SCAPER: variants seen among roughly 807,000 people sequenced by gnomAD.
SCAPER encodes the protein S-phase cyclin A associated protein in the ER.
A neutral mutation model predicts 182.2 loss-of-function variants in SCAPER; 98 were observed. The ratio of observed to expected loss-of-function variants is 0.54; its 90% CI spans 0.46 to 0.64. The LOEUF is 0.64. Among genes scored for constraint, SCAPER ranks in the 30% least tolerant of loss-of-function variants. The pLI is 0.00. For synonymous variants in SCAPER, 605 were observed against 564.6 expected, an observed-to-expected ratio of 1.07 and a Z score of -1.01; for missense variants, 1,432 against 1,690.0, an observed-to-expected ratio of 0.85 and a Z score of 2.68.
chr15:76,452,297 A>T (rs915894236), intron 25 of SCAPER, among the ~76,000 whole-genome samples: 1 of 152,208 alleles, frequency 6.6e-6, no homozygotes, highest in African/African-American at 2.4e-5. Context: ...TTTCAGTTGT[A>T]GTAGTCTTTT....
At chr15:76,646,819 T>C (rs1036405698) in intron 21 of SCAPER, among the ~76,000 whole-genome samples, 2 of 152,246 alleles carry the variant, frequency 1.3e-5, no homozygotes, top group Non-Finnish European at 2.9e-5. Context: ...AAATATATGC[T>C]AGTTCTGGCT....
chr15:76,727,900 C>A (rs751366539), intron 17 of SCAPER, among the ~76,000 whole-genome samples: 10 of 151,712 alleles, frequency 6.6e-5, no homozygotes, highest in East Asian at 1.9e-4. Context: ...TTTGAATAGG[C>A]ACTTTGCATA....
In SCAPER at chr15:76,598,848, T is replaced by C. The variant is rs1170244671; in HGVS notation, c.2711+22916A>G. On this transcript the variant is annotated intron_variant, in intron 22 of 31. Transcript: ENST00000563290. The stretch of plus-strand genomic sequence containing the variant: ...ATAGCATTAGGAGAACTACCTAATG[T>C]AGATGACGGGTTGATGGGTGCAGCA... Among the ~76,000 whole-genome samples, 2 of 118,566 alleles carry C rather than the reference T, an allele frequency of 1.7e-5. 1 individual carries two copies. The highest frequency in any genetic ancestry group is 4.5e-4 in the East Asian group (2 of 4,468). The allele number at this position is 118,566 out of a possible 152,430, so 77.8% of individuals were successfully genotyped here. A position where few individuals can be genotyped will look rare whatever the true frequency, so the allele number is the denominator to read the frequency against.
intron 8 of SCAPER, among the ~76,000 whole-genome samples, chr15:76,780,828 G>GAAT (rs2064076902): frequency 6.6e-6 from 1 of 152,026 alleles, no homozygotes; most frequent in Non-Finnish European, 1.5e-5. Context: ...AAACACAAAG[G>GAAT]AATAGCATCA....
chr15:76,863,121 T>C (rs1568364711), intron 2 of SCAPER, among the ~76,000 whole-genome samples: 1 of 152,188 alleles, frequency 6.6e-6, no homozygotes, highest in Non-Finnish European at 1.5e-5. Flanking sequence ...CTGCCTGGCC[T>C]AAGAACACGG....
chr15:76,777,207 AG>A (rs1379140817), intron 8 of SCAPER, among the ~76,000 whole-genome samples: 1 of 152,244 alleles, frequency 6.6e-6, no homozygotes, highest in East Asian at 1.9e-4. Flanking sequence ...GCCAAGAGGA[AG>A]TGGCACATTT....
intron 7 of SCAPER, among the ~76,000 whole-genome samples, chr15:76,795,872 G>A (rs1255849212): frequency 1.3e-5 from 2 of 152,120 alleles, no homozygotes; most frequent in Admixed American, 1.3e-4. Context: ...AACCAGCCTG[G>A]CCAACATGGT....
chr15:76,651,692 A>C (rs2055058906), intron 21 of SCAPER, among the ~76,000 whole-genome samples: 1 of 151,956 alleles, frequency 6.6e-6, no homozygotes, highest in African/African-American at 2.4e-5. Flanking sequence ...AGACATACAA[A>C]GAAGAAATGA....
chr15:76,366,513 T>C (rs1291500320), intron 29 of SCAPER, among the ~76,000 whole-genome samples: 1 of 152,222 alleles, frequency 6.6e-6, no homozygotes, highest in East Asian at 1.9e-4. Context: ...GTGAAATAAA[T>C]GGTCTCTCGG....
chr15:76,896,915 C>T (rs1482629835), intron 1 of SCAPER, among the ~76,000 whole-genome samples: 1 of 152,174 alleles, frequency 6.6e-6, no homozygotes, highest in Non-Finnish European at 1.5e-5. Flanking sequence ...TACTGCACTC[C>T]AGCCTGGGTG....
chr15:76,610,852 A>G (rs952496744), intron 22 of SCAPER, among the ~76,000 whole-genome samples: 13 of 152,220 alleles, frequency 8.5e-5, no homozygotes, highest in Admixed American at 6.5e-4. Context: ...ACCCAAAGTG[A>G]TCTACATATG....
chr15:76,775,490 A>G (rs922302537), intron 8 of SCAPER, among the ~76,000 whole-genome samples: 1 of 152,204 alleles, frequency 6.6e-6, no homozygotes, highest in Admixed American at 6.5e-5. Context: ...AGCAATGAGG[A>G]AACTGAGACA....
At chr15:76,572,917 T>TCACACACA (rs1231032832) in intron 23 of SCAPER, among the ~76,000 whole-genome samples, 3,868 of 133,320 alleles carry the variant, frequency 0.029, 133 homozygotes, top group African/African-American at 0.088. Context: ...TCTCTCTCTC[T>TCACACACA]CTCACACACA....
Position 76,771,771 on chromosome 15 carries a change from T to C in SCAPER, c.1219A>G (p.Asn407Asp). ...GAAATATCTGAAGGGTCCATTTCAT[T>C]TTCTATCCTTGCTTTCTCTGCTGGA... ...KFPAEKARIE[N>D]EMDPSDISNS... Residue 407 changes from asparagine (N) to aspartate (D), a missense_variant, in exon 10 of 32, where the codon AAT becomes GAT. By Grantham distance (23) the Asn-to-Asp change is conservative (BLOSUM62 1). Around this residue, in one of 5 missense-constraint regions of SCAPER, gnomAD observed 480 missense variants for 510.2 expected, o/e 0.94. Coordinates refer to ENST00000563290, the MANE Select transcript of SCAPER (RefSeq NM_020843.4). 6.2e-7 allele frequency: 1 copy of C among 1,613,150 alleles called. No individual in the cohort carries two copies. Among genetic ancestry groups the C allele is most frequent in the Non-Finnish European group, 8.5e-7 (1 of 1,179,404 alleles).
In SCAPER at chr15:76,494,018, A is replaced by C. The variant is rs942953239; in HGVS notation, c.2954+10841T>G. On this transcript the variant is annotated intron_variant, in intron 24 of 31. Coordinates refer to ENST00000563290, the MANE Select transcript of SCAPER (RefSeq NM_020843.4). The stretch of plus-strand genomic sequence containing the variant: ...AGATATTTAAAATTATATTAAAATC[A>C]TCCTGACTAGAAATAAGTGTTTATT... Among the ~76,000 whole-genome samples the C allele has an allele frequency of 1.2e-3, 179 of 152,350 alleles. 3 individuals carry two copies. The highest frequency in any genetic ancestry group is 0.012 in the Admixed American group (179 of 15,300).
chr15:76,445,298 G>A (rs1395937492), intron 25 of SCAPER, among the ~76,000 whole-genome samples: 1 of 152,104 alleles, frequency 6.6e-6, no homozygotes, highest in African/African-American at 2.4e-5. Flanking sequence ...GCATTTTTAT[G>A]GTGGCTGCTT....
At chr15:76,685,154 T>C (rs114942052) in intron 20 of SCAPER, among the ~76,000 whole-genome samples, 1 of 151,904 alleles carries the variant, frequency 6.6e-6, no homozygotes, top group African/African-American at 2.4e-5. Context: ...ATTTAGAAAT[T>C]AGAAAAAGAA....
intron 23 of SCAPER, among the ~76,000 whole-genome samples, chr15:76,541,138 C>A (rs904018810): frequency 1.3e-5 from 2 of 151,104 alleles, no homozygotes; most frequent in African/African-American, 4.9e-5. Context: ...AAAAAAAAAA[C>A]CATGTTTGTG....
intron 15 of SCAPER, among the ~76,000 whole-genome samples, chr15:76,740,514 T>C (rs1367552046): frequency 1.3e-5 from 2 of 152,034 alleles, no homozygotes; most frequent in Non-Finnish European, 2.9e-5. Context: ...AGAAAGAAAA[T>C]TCAGTGTAGA....
Sources: gnomAD v4.1 joint callset for allele counts (sites outside exome capture counted in the v4.1 genomes callset) on GRCh38, gnomAD v4.1.1 for gene constraint, gnomAD v4.1.1 regional missense constraint, MANE v1.5 for transcripts, NCBI Gene and HGNC (gene_info 2026-07-23, HGNC 2026-07-21) for gene names.